The following MACF1 variants were observed in gnomAD, a reference collection of about 807,000 sequenced individuals.
The protein encoded by MACF1 is microtubule actin crosslinking factor 1.
In MACF1, 193 loss-of-function variants were observed where a neutral mutation model predicts 854.8. The observed-to-expected ratio is 0.23, with a 90% CI of 0.20 to 0.25. The LOEUF is 0.25. Among genes scored for constraint, MACF1 ranks in the 10% least tolerant of loss-of-function variants. MACF1 has a pLI of 1.00. For synonymous variants in MACF1, 3,185 were observed against 3,226.7 expected, an observed-to-expected ratio of 0.99 and a Z score of 0.44; for missense variants, 7,722 against 8,929.1, an observed-to-expected ratio of 0.86 and a Z score of 5.45.
intron 1 of MACF1, among the ~76,000 whole-genome samples, chr1:39,214,828 A>G (rs1644556948): frequency 6.6e-6 from 1 of 152,154 alleles, no homozygotes. Flanking sequence ...TTAACACTAT[A>G]TGTACTTCTG....
At chr1:39,089,244 G>A (rs943456969) in intron 2 of MACF1, among the ~76,000 whole-genome samples, 13 of 152,012 alleles carry the variant, frequency 8.6e-5, no homozygotes, top group Admixed American at 3.3e-4. Flanking sequence ...TTATATCCCC[G>A]TATGTGTTGT....
rs992618668 is a variant in MACF1, at chr1:39,421,423, A to G, written c.15817-951A>G. On this transcript the variant is annotated intron_variant, in intron 58 of 100. Coordinates refer to ENST00000564288, the MANE Select transcript of MACF1 (RefSeq NM_001394062.1). ...CTGAAGTTATTAAGGACATTTCCCAACGTTACTGGCCCATTTCCCTTTGTA... is the reference window on the plus strand; with the variant it reads ...CTGAAGTTATTAAGGACATTTCCCAGCGTTACTGGCCCATTTCCCTTTGTA... Among the ~76,000 whole-genome samples the G allele has an allele frequency of 9.2e-5, 14 of 152,292 alleles. 1 individual carries two copies. The Middle Eastern group carries it at 0.014, about 148-fold the overall frequency.
chr1:39,192,384 T>C (rs1323747986), intron 2 of MACF1, among the ~76,000 whole-genome samples: 2 of 152,154 alleles, frequency 1.3e-5, no homozygotes, highest in Non-Finnish European at 2.9e-5. Flanking sequence ...TGACTGCTCC[T>C]TTTCTGTCTG....
At chr1:39,153,073 C>G (rs772573392) in intron 2 of MACF1, among the ~76,000 whole-genome samples, 5 of 152,152 alleles carry the variant, frequency 3.3e-5, no homozygotes, top group Non-Finnish European at 5.9e-5. Flanking sequence ...AGAAACTGTT[C>G]TTGCGGGTGG....
In MACF1 at chr1:39,105,656, C is replaced by T; in HGVS notation, c.220+21218C>T. 8.1e-7 allele frequency: 1 copy of T among 1,236,874 alleles called. No individual in the cohort carries two copies. Among genetic ancestry groups the T allele is most frequent in the Non-Finnish European group, 1.0e-6 (1 of 962,998 alleles). 76.6% of individuals were successfully genotyped at this position (1,236,874 alleles called of 1,614,324 possible). A position where few individuals can be genotyped will look rare whatever the true frequency, so the allele number is the denominator to read the frequency against. ...GCTACGTGCCGGGTCAGCAGCCGGC[C>T]AACCGCAGCCAGGAGAAGGAGTTCG... On this transcript the variant is annotated intron_variant, in intron 2 of 93. Transcript: ENST00000361689. This position sits in a 1 kb window ranked among gnomAD's most constrained non-coding sequence, Gnocchi z 5.9.
In MACF1 at chr1:39,335,407, G is replaced by A. The variant is rs770422256; in HGVS notation, c.8819G>A (p.Gly2940Glu). ...TCTGAAGAAATAAGAGAAAATCAAG[G>A]GGAAGTGATTTTGGAAGTACAAGAA... ...LDSEEIRENQ[G>E]EVILEVQETY... The change falls in exon 37 of 101, where the codon GGG becomes GAG. Residue 2940 changes from glycine (G) to glutamate (E), a missense_variant. Coordinates refer to ENST00000564288, the MANE Select transcript of MACF1 (RefSeq NM_001394062.1). The A allele has an allele frequency of 1.5e-5, 25 of 1,613,932 alleles. No homozygotes were observed. Among genetic ancestry groups the A allele is most frequent in the South Asian group, 2.2e-5 (2 of 91,072 alleles).
Position 39,317,284 on chromosome 1 carries a change from A to G in MACF1, c.3659A>G (p.Lys1220Arg), listed in dbSNP as rs780587073. The G allele has an allele frequency of 6.2e-7, 1 of 1,614,100 alleles. No individual in the cohort carries two copies. ...CTGGATGAGGAAATTGCCAAGGCCA[A>G]GGTAGTGGCAGAGCAGATGAGTCGT... ...SVLDEEIAKAKVVAEQMSRLT... is the reference protein window; with the variant it reads ...SVLDEEIAKARVVAEQMSRLT... Residue 1220 changes from lysine to arginine, a missense_variant, in exon 29 of 101, where the codon AAG becomes AGG. Lys to Arg is a conservative substitution (Grantham distance 26). Around this residue, in one of 15 missense-constraint regions of MACF1, gnomAD observed 1,137 missense variants for 1,263.0 expected, o/e 0.90. Coordinates refer to ENST00000564288, the MANE Select transcript of MACF1 (RefSeq NM_001394062.1).
In MACF1 at chr1:39,406,756, A is replaced by AAAAAAAAAAAAAAAAAAAAAAAAAC. The variant is rs746955922; in HGVS notation, c.15817-15616_15817-15615insAAAAAAAAAAAAAAAAAAAAAACAA. On this transcript the variant is annotated intron_variant, in intron 58 of 100. Coordinates refer to ENST00000564288, the MANE Select transcript of MACF1 (RefSeq NM_001394062.1). ...TCTCACTCAAAAAAAAAAAAAAAAA[A>AAAAAAAAAAAAAAAAAAAAAAAAAC]AACATTCTTTATAATAGAATAACCA... is the stretch of plus-strand genomic sequence containing the variant. Among the ~76,000 whole-genome samples, 57 of 116,044 alleles carry AAAAAAAAAAAAAAAAAAAAAAAAAC rather than the reference A, an allele frequency of 4.9e-4. 12 individuals carry two copies. The highest frequency in any genetic ancestry group is 1.1e-3 in the African/African-American group (28 of 26,080). The allele number at this position is 116,044 out of a possible 152,430, so 76.1% of individuals were successfully genotyped here. A position where few individuals can be genotyped will look rare whatever the true frequency, so the allele number is the denominator to read the frequency against.
Position 39,157,157 on chromosome 1 carries a change from A to T in MACF1, c.220+72719A>T, listed in dbSNP as rs556292059. 6.9e-4 allele frequency among the ~76,000 whole-genome samples: 105 copies of T among 152,094 alleles called. 4 individuals are homozygous for T. In the South Asian group the frequency reaches 0.02, roughly 29 times the overall value. On this transcript the variant is annotated intron_variant, in intron 2 of 93. Coordinates refer to the MACF1 transcript ENST00000361689. ...GTTAACATTTTTAGTTTTTGTAGAG[A>T]TGAGGTCTCACTATATTGCCCAGGC...
chr1:39,246,473 G>GC (rs2148328795), intron 2 of MACF1, among the ~76,000 whole-genome samples: 1 of 152,234 alleles, frequency 6.6e-6, no homozygotes, highest in African/African-American at 2.4e-5. Context: ...GTTCCACACT[G>GC]CAAACTTGAA....
chr1:39,481,640 C>G (rs1645013932), intron 99 of MACF1, among the ~76,000 whole-genome samples: 1 of 152,170 alleles, frequency 6.6e-6, no homozygotes, highest in African/African-American at 2.4e-5. Context: ...AATACACATG[C>G]CAGCAATTAA....
chr1:39,233,808 T>TTTTTTTTTTTTTTTA lies in MACF1; in HGVS notation c.171+2565_171+2566insTTTTTTTTTTTTTTA, dbSNP rs755591226. Among the ~76,000 whole-genome samples the TTTTTTTTTTTTTTTA allele has an allele frequency of 1.2e-3, 76 of 65,830 alleles. 26 individuals carry two copies. Among genetic ancestry groups the TTTTTTTTTTTTTTTA allele is most frequent in the Non-Finnish European group, 2.1e-3 (62 of 30,130 alleles). 43.2% of individuals were successfully genotyped at this position (65,830 alleles called of 152,430 possible). A position where few individuals can be genotyped will look rare whatever the true frequency, so the allele number is the denominator to read the frequency against. On this transcript the variant is annotated intron_variant, in intron 2 of 100. Coordinates refer to ENST00000564288, the MANE Select transcript of MACF1 (RefSeq NM_001394062.1). ...TTTTTTTTTTTTTTTATTTATTTTT[T>TTTTTTTTTTTTTTTA]ATTGATAATTCTTGGGTGTTTCTCA... is the stretch of plus-strand genomic sequence containing the variant.
chr1:39,460,589 G>T lies in MACF1; in HGVS notation c.21361-43G>T, dbSNP rs761749617. 6.3e-7 allele frequency: 1 copy of T among 1,599,374 alleles called. No individual in the cohort carries two copies. The highest frequency in any genetic ancestry group is 8.6e-7 in the Non-Finnish European group (1 of 1,167,524). ...GGTATGCTCTGGGCAGCTTTTGAGG[G>T]CCCAAAAAATAAATCTTATTGACAC... On this transcript the variant is annotated intron_variant, in intron 91 of 100. Transcript: ENST00000564288. This position sits in a 1 kb window ranked among gnomAD's most constrained non-coding sequence, Gnocchi z 4.1.
intron 14 of MACF1, among the ~76,000 whole-genome samples, chr1:39,286,449 T>C (rs1645645218): frequency 6.6e-6 from 1 of 151,686 alleles, no homozygotes; most frequent in African/African-American, 2.4e-5. Context: ...TTATGTAAAG[T>C]CATGTGGCTA....
Position 39,385,948 on chromosome 1 carries a change from C to T in MACF1, c.14344+19C>T. 6.3e-7 allele frequency: 1 copy of T among 1,585,378 alleles called. No individual in the cohort carries two copies. Among genetic ancestry groups the T allele is most frequent in the Non-Finnish European group, 8.6e-7 (1 of 1,164,352 alleles). On this transcript the variant is annotated intron_variant, in intron 57 of 100. Coordinates refer to ENST00000564288, the MANE Select transcript of MACF1 (RefSeq NM_001394062.1). ...CTTGCAGGTAAGTTGGGGTGAAGAA[C>T]ATACTTCTGCCATTATTAGAGGCAA...
chr1:39,093,482 ATTT>A (rs35211687), intron 2 of MACF1, among the ~76,000 whole-genome samples: 7 of 104,264 alleles, frequency 6.7e-5, no homozygotes, highest in Non-Finnish European at 9.6e-5. Flanking sequence ...CGCCTGGCTA[ATTT>A]TTTTTTTTTT....
intron 55 of MACF1, among the ~76,000 whole-genome samples, chr1:39,381,533 A>G (rs190832472): frequency 2.0e-5 from 3 of 152,086 alleles, no homozygotes; most frequent in South Asian, 2.1e-4. Context: ...CAACTAGCCA[A>G]TTTTTAAATT....
chr1:39,187,166 C>G (rs1644184833), intron 2 of MACF1, among the ~76,000 whole-genome samples: 1 of 152,016 alleles, frequency 6.6e-6, no homozygotes, highest in African/African-American at 2.4e-5. Flanking sequence ...ATAAATATTG[C>G]TTAAAGGTGA....
At chr1:39,153,758 G>T (rs1370251021) in intron 2 of MACF1, among the ~76,000 whole-genome samples, 3 of 152,184 alleles carry the variant, frequency 2.0e-5, no homozygotes, top group Non-Finnish European at 4.4e-5. Context: ...CTTCAGCCCT[G>T]CAGAGGCAGC....
Sources: allele counts gnomAD v4.1 joint callset (sites outside exome capture counted in the v4.1 genomes callset), GRCh38; gene constraint gnomAD v4.1.1; regional missense constraint gnomAD v4.1.1; non-coding constraint Gnocchi (gnomAD v3.1); transcripts MANE v1.5; gene names NCBI Gene and HGNC (gene_info 2026-07-23, HGNC 2026-07-21).